STK17B: variants seen among roughly 807,000 people sequenced by gnomAD.
STK17B encodes serine/threonine kinase 17b, also known as serine/threonine-protein kinase 17B.
A neutral mutation model predicts 42.0 loss-of-function variants in STK17B; 21 were observed. That is an observed-to-expected ratio of 0.50 (90% CI 0.35 to 0.72). STK17B has a LOEUF of 0.72. STK17B is among the 30% of genes least tolerant of loss of function. The probability of loss-of-function intolerance (pLI) is 0.00; values close to 1 mark genes in which losing one functional copy is unlikely to be tolerated. For synonymous variants in STK17B, 143 were observed against 148.4 expected (o/e 0.96, Z 0.26); for missense variants, 349 against 446.0 (o/e 0.78, Z 1.96).
chr2:196,143,433 C>T (rs1559409076), intron 5 of STK17B, 127 bp downstream of exon 5: 5 of 922,350 alleles, frequency 5.4e-6, no homozygotes, highest in Non-Finnish European at 7.7e-6. Context: ...TTTAATGTAT[C>T]AAAATACTTG....
In STK17B at chr2:196,156,468, A is replaced by G. The variant is rs1332798950; in HGVS notation, c.306T>C (p.Asn102=). The change falls in exon 3 of 8, where the codon AAT becomes AAC. Residue 102 remains asparagine, a synonymous_variant. Transcript: ENST00000263955. ...CCAATATCAAAATGATTTCACTTGT[A>G]TTTTCATAGACCTCATGAAGATTAA... ...RVINLHEVYE[N]TSEIILILEY... 8 of 1,613,886 alleles carry G rather than the reference A, an allele frequency of 5.0e-6. No homozygotes were observed. In the Admixed American group the frequency reaches 1.3e-4, roughly 27 times the overall value.
chr2:196,146,157 T>C, intron 3 of STK17B, 102 bp from the exon 4 acceptor site: 1 of 1,213,806 alleles, frequency 8.2e-7, no homozygotes, highest in Non-Finnish European at 1.1e-6. Flanking sequence ...TATATAAATG[T>C]TAATACGTTA....
chr2:196,165,372 G>A (rs2105713138), intron 1 of STK17B, among the ~76,000 whole-genome samples: 1 of 152,210 alleles, frequency 6.6e-6, no homozygotes, highest in South Asian at 2.1e-4. Flanking sequence ...CGGCAACACA[G>A]TTATTTAAAA....
chr2:196,145,826 C>G, intron 4 of STK17B, 85 bp downstream of exon 4: 1 of 1,352,090 alleles, frequency 7.4e-7, no homozygotes, highest in Non-Finnish European at 9.9e-7. Flanking sequence ...ACCATTGTTT[C>G]CTGTTAATAC....
intron 2 of STK17B, among the ~76,000 whole-genome samples, chr2:196,159,057 C>A (rs574603981): frequency 3.4e-4 from 52 of 151,016 alleles, no homozygotes; most frequent in African/African-American, 1.1e-3. Flanking sequence ...AAGTGTAACT[C>A]ACTTGCTTCT....
At chr2:196,175,379 A>G (rs1174839478), upstream of STK17B, among the ~76,000 whole-genome samples, 1 of 152,308 alleles carries the variant, frequency 6.6e-6, no homozygotes, top group African/African-American at 2.4e-5. Flanking sequence ...TAATCCTAGC[A>G]CTTTGGGAGG....
chr2:196,143,775 C>T, intron 4 of STK17B, 89 bp from the exon 5 acceptor site: 1 of 1,165,556 alleles, frequency 8.6e-7, no homozygotes, highest in East Asian at 2.8e-5. Context: ...GAAGATATTG[C>T]TCAGCTATTA....
intron 4 of STK17B, among the ~76,000 whole-genome samples, 155 bp downstream of exon 4, chr2:196,145,756 G>A (rs1699563494): frequency 6.6e-6 from 1 of 152,144 alleles, no homozygotes; most frequent in African/African-American, 2.4e-5. Flanking sequence ...ATAAAATTAA[G>A]GCCACATAGG....
In STK17B at chr2:196,139,621, C is replaced by T. The variant is rs1013864396; in HGVS notation, c.835G>A (p.Glu279Lys). ...FIQSLLVKNP[E>K]KRPTAEICLS... ...GTATTTAAACAAATTATTACTTACT[C>T]TGGATTTTTTACTAAAAGGCTCTGA... is the stretch of plus-strand genomic sequence containing the variant. Residue 279 changes from glutamate to lysine, a missense_variant and splice_region_variant, in exon 7 of 8, where the codon GAG becomes AAG. Glu to Lys is a moderately conservative substitution (Grantham distance 56). Around this residue, in one of 3 missense-constraint regions of STK17B, gnomAD observed 256 missense variants for 347.7 expected, o/e 0.74. Transcript: ENST00000263955. 2 of 1,365,776 alleles carry T rather than the reference C, an allele frequency of 1.5e-6. No individual in the cohort carries two copies. The highest frequency in any genetic ancestry group is 1.9e-6 in the Non-Finnish European group (2 of 1,050,764). The allele number at this position is 1,365,776 out of a possible 1,614,324, so 84.6% of individuals were successfully genotyped here.
intron 2 of STK17B, among the ~76,000 whole-genome samples, chr2:196,161,246 T>A (rs1301023729): frequency 1.3e-5 from 2 of 151,282 alleles, no homozygotes; most frequent in Non-Finnish European, 2.9e-5. Flanking sequence ...ATGCAGAGAT[T>A]CTATGGTTCA....
chr2:196,140,246 T>C (rs964584214), intron 6 of STK17B, among the ~76,000 whole-genome samples: 1 of 152,254 alleles, frequency 6.6e-6, no homozygotes, highest in African/African-American at 2.4e-5. Context: ...TGTAAATGTG[T>C]TAATGGCAAG....
intron 4 of STK17B, 125 bp downstream of exon 4, chr2:196,145,786 C>A (rs1699564102): frequency 2.2e-6 from 2 of 891,764 alleles, no homozygotes; most frequent in East Asian, 5.9e-5. Context: ...GCAAAGAGCA[C>A]ACCAGTGCAG....
At chr2:196,169,377 T>C (rs1575189304) in intron 1 of STK17B, among the ~76,000 whole-genome samples, 1 of 152,262 alleles carries the variant, frequency 6.6e-6, no homozygotes, top group South Asian at 2.1e-4. Flanking sequence ...AATACTATTC[T>C]TAACTGCCAA....
intron 4 of STK17B, among the ~76,000 whole-genome samples, chr2:196,144,549 G>C (rs1193657548): frequency 7.1e-6 from 1 of 141,134 alleles, no homozygotes; most frequent in East Asian, 2.0e-4. Flanking sequence ...GTGCTCTGGG[G>C]AACAGCACAA....
At chr2:196,144,197 A>T (rs117866441) in intron 4 of STK17B, among the ~76,000 whole-genome samples, 71,911 of 150,072 alleles carry the variant, frequency 0.48, 19,914 homozygotes, top group South Asian at 0.63. Context: ...TAAAAAATTA[A>T]AAAAAAAAAG....
chr2:196,163,650 G>T (rs6434830), intron 1 of STK17B, among the ~76,000 whole-genome samples: 110,945 of 151,992 alleles, frequency 0.73, 40,906 homozygotes, highest in East Asian at 0.92. Flanking sequence ...ATAAAACTAC[G>T]GTAAAAATCC....
At chr2:196,164,234 G>A (rs548332914) in intron 1 of STK17B, among the ~76,000 whole-genome samples, 10 of 152,152 alleles carry the variant, frequency 6.6e-5, no homozygotes, top group Middle Eastern at 6.8e-3. Context: ...CTTCTTCCAC[G>A]GATTGGCTAT....
chr2:196,152,300 G>A (rs969301215), intron 3 of STK17B, among the ~76,000 whole-genome samples: 1 of 151,936 alleles, frequency 6.6e-6, no homozygotes, highest in Non-Finnish European at 1.5e-5. Flanking sequence ...GTAGAGACAG[G>A]GTTTCACCCT....
At chr2:196,157,270 A>G (rs1000388486) in intron 2 of STK17B, among the ~76,000 whole-genome samples, 3 of 152,214 alleles carry the variant, frequency 2.0e-5, no homozygotes, top group Non-Finnish European at 1.5e-5. Flanking sequence ...AATCCTATAT[A>G]ATAAATGCTC....
Sources: gnomAD v4.1 joint callset for allele counts (sites outside exome capture counted in the v4.1 genomes callset) on GRCh38, gnomAD v4.1.1 for gene constraint, gnomAD v4.1.1 regional missense constraint, MANE v1.5 for transcripts, NCBI Gene and HGNC (gene_info 2026-07-23, HGNC 2026-07-21) for gene names.